FOXP2: variants seen among roughly 807,000 people sequenced by gnomAD.
FOXP2 encodes forkhead box P2.
Under a neutral mutation model 115.8 loss-of-function variants are expected in FOXP2, and 12 were observed. The ratio of observed to expected loss-of-function variants is 0.10; its 90% CI spans 0.07 to 0.17. The LOEUF is 0.17. Among genes scored for constraint, FOXP2 ranks in the 10% least tolerant of loss-of-function variants. The probability of loss-of-function intolerance (pLI) is 1.00; values close to 1 mark genes in which losing one functional copy is unlikely to be tolerated. For synonymous variants in FOXP2, 328 were observed against 297.7 expected (o/e 1.10, Z -1.05); for missense variants, 629 against 843.5 (o/e 0.75, Z 3.15).
chr7:114,527,526 C>T (rs547203749), intron 2 of FOXP2, among the ~76,000 whole-genome samples: 3 of 152,140 alleles, frequency 2.0e-5, no homozygotes, highest in East Asian at 1.9e-4. Flanking sequence ...TAATAAACTC[C>T]CTTTGCCTTA....
intron 1 of FOXP2, among the ~76,000 whole-genome samples, chr7:114,254,456 A>G (rs1164358091): frequency 2.0e-5 from 3 of 152,040 alleles, no homozygotes; most frequent in Non-Finnish European, 2.9e-5. Flanking sequence ...TGGTCTTTTC[A>G]CATAGTCCCA....
At chr7:114,480,081 C>T (rs1796456149) in intron 2 of FOXP2, among the ~76,000 whole-genome samples, 1 of 151,438 alleles carries the variant, frequency 6.6e-6, no homozygotes, top group Non-Finnish European at 1.5e-5. Context: ...ATTTGAGAGA[C>T]ACTTGGTCAC....
chr7:114,095,454 G>C (rs564138889), intron 1 of FOXP2, among the ~76,000 whole-genome samples: 86 of 151,708 alleles, frequency 5.7e-4, no homozygotes, highest in African/African-American at 2.0e-3. Context: ...ATTTTTAAAG[G>C]GTTTTTTTTT....
intron 1 of FOXP2, among the ~76,000 whole-genome samples, chr7:114,237,858 C>G (rs1169712041): frequency 6.6e-6 from 1 of 151,970 alleles, no homozygotes; most frequent in Admixed American, 6.6e-5. Flanking sequence ...GCCTGTGGTG[C>G]AAGCTGCCCC....
intron 3 of FOXP2, among the ~76,000 whole-genome samples, chr7:114,581,149 GTTTATTTATTTATTTATTTATTTA>G (rs10585289): frequency 2.2e-5 from 3 of 134,920 alleles, no homozygotes; most frequent in African/African-American, 5.6e-5. Context: ...ATCTTCTTCC[GTTTATTTATTTATTTATTTATTTA>G]TTTATTTATT....
intron 1 of FOXP2, among the ~76,000 whole-genome samples, chr7:114,150,733 A>G (rs1026453321): frequency 6.6e-6 from 1 of 151,996 alleles, no homozygotes; most frequent in Non-Finnish European, 1.5e-5. Context: ...CAATTATGTC[A>G]CTGGTGGTCA....
chr7:114,201,339 T>C (rs1016259985), intron 1 of FOXP2, among the ~76,000 whole-genome samples: 3 of 151,912 alleles, frequency 2.0e-5, no homozygotes, highest in African/African-American at 7.3e-5. Flanking sequence ...GTGGTGTTCC[T>C]GTTGTCCCAG....
intron 1 of FOXP2, among the ~76,000 whole-genome samples, chr7:114,172,887 A>G (rs1053439158): frequency 6.6e-6 from 1 of 152,168 alleles, no homozygotes; most frequent in South Asian, 2.1e-4. Flanking sequence ...AAAAAACAAT[A>G]TTTCGTGATG....
At chr7:114,133,763 T>C (rs992134999) in intron 1 of FOXP2, among the ~76,000 whole-genome samples, 8 of 152,174 alleles carry the variant, frequency 5.3e-5, no homozygotes, top group African/African-American at 1.9e-4. Context: ...CTTGAGGAAA[T>C]GGATTATTTC....
At chr7:114,644,841 A>T (rs1201705317) in intron 8 of FOXP2, 52 bp downstream of exon 8, 1 of 1,286,690 alleles carries the variant, frequency 7.8e-7, no homozygotes, top group East Asian at 2.3e-5. Context: ...TTATATGGGC[A>T]TTTTAGGCAC....
chr7:114,596,144 C>A (rs910662615), intron 3 of FOXP2, among the ~76,000 whole-genome samples: 1 of 152,036 alleles, frequency 6.6e-6, no homozygotes, highest in African/African-American at 2.4e-5. Context: ...TTTTTCCTCA[C>A]TAAAATATCA....
intron 16 of FOXP2, among the ~76,000 whole-genome samples, chr7:114,688,109 G>C (rs908229648): frequency 4.7e-5 from 7 of 149,018 alleles, no homozygotes; most frequent in African/African-American, 1.7e-4. Flanking sequence ...TAAACTTCAG[G>C]GTTTTTTTTT....
intron 2 of FOXP2, among the ~76,000 whole-genome samples, chr7:114,519,682 A>G (rs1798516914): frequency 6.6e-6 from 1 of 152,174 alleles, no homozygotes; most frequent in Admixed American, 6.6e-5. Flanking sequence ...GTTCTTAAAT[A>G]GGTCATTCTG....
In FOXP2 at chr7:114,426,484, C is replaced by G. The variant is rs770632360; in HGVS notation, c.-10-18C>G. 4 of 1,607,974 alleles carry G rather than the reference C, an allele frequency of 2.5e-6. No homozygotes were observed. The Admixed American group carries it at 6.7e-5, about 27-fold the overall frequency. ...AAGGTGTAACGTGTGTTAATTGATA[C>G]TTCTTAATCACTTTTAGGTATTAAG... On this transcript the variant is annotated intron_variant, in intron 1 of 16. Transcript: ENST00000350908.
chr7:114,175,802 A>G (rs1201185879), intron 1 of FOXP2, among the ~76,000 whole-genome samples: 2 of 152,206 alleles, frequency 1.3e-5, no homozygotes, highest in Admixed American at 1.3e-4. Context: ...TCTTCCCTGT[A>G]GAATCCAAAG....
chr7:114,318,483 C>T (rs566489886), intron 2 of FOXP2, among the ~76,000 whole-genome samples: 8 of 148,252 alleles, frequency 5.4e-5, no homozygotes, highest in African/African-American at 1.2e-4. Context: ...AGAATACAGA[C>T]GTAGTAGTGA....
At chr7:114,386,369 A>G (rs1287251615) in intron 2 of FOXP2, among the ~76,000 whole-genome samples, 2 of 152,232 alleles carry the variant, frequency 1.3e-5, no homozygotes, top group Non-Finnish European at 2.9e-5. Flanking sequence ...TTTTTAAAAC[A>G]TTACTTGATC....
intron 1 of FOXP2, among the ~76,000 whole-genome samples, chr7:114,276,624 T>C (rs1796195689): frequency 6.6e-6 from 1 of 152,202 alleles, no homozygotes; most frequent in Non-Finnish European, 1.5e-5. Context: ...TTGTCCTCAC[T>C]GAAATTCCAT....
chr7:114,151,891 G>A (rs1464867782), intron 1 of FOXP2, among the ~76,000 whole-genome samples: 3 of 151,960 alleles, frequency 2.0e-5, no homozygotes, highest in South Asian at 2.1e-4. Flanking sequence ...ACTTTAGTGT[G>A]GAAGGGAAAA....
Sources: allele counts gnomAD v4.1 joint callset (sites outside exome capture counted in the v4.1 genomes callset), GRCh38; gene constraint gnomAD v4.1.1; transcripts MANE v1.5; gene names NCBI Gene and HGNC (gene_info 2026-07-23, HGNC 2026-07-21).